WNK3: variants seen among roughly 807,000 people sequenced by gnomAD.
WNK3 encodes serine/threonine-protein kinase WNK3.
In WNK3, 18 loss-of-function variants were observed where a neutral mutation model predicts 116.7. The ratio of observed to expected loss-of-function variants is 0.15; its 90% CI spans 0.11 to 0.23. WNK3 has a LOEUF of 0.23. WNK3 is among the 10% of genes least tolerant of loss of function. The probability of loss-of-function intolerance (pLI) is 1.00; values close to 1 mark genes in which losing one functional copy is unlikely to be tolerated. For missense variants in WNK3, 993 were observed against 1,323.8 expected, an observed-to-expected ratio of 0.75 and a Z score of 3.88; for synonymous variants, 404 against 469.4, an observed-to-expected ratio of 0.86 and a Z score of 1.80.
intron 20 of WNK3, 114 bp from the exon 21 acceptor site, chrX:54,233,134 G>A: frequency 1.8e-6 from 1 of 562,980 alleles, no homozygotes; most frequent in Non-Finnish European, 2.8e-6. Flanking sequence ...TTAAGAATGG[G>A]GAAATAGAGA....
In WNK3 at chrX:54,278,012, C is replaced by T. The variant is rs781903651; in HGVS notation, c.2037+14876G>A. The stretch of plus-strand genomic sequence containing the variant: ...GGGAGGCTGTGGTGGGAGGATTGCT[C>T]GAGCCTGGGAAGCAGAGGCTGCAGT... On this transcript the variant is annotated intron_variant, in intron 10 of 23. Coordinates refer to ENST00000354646, the Ensembl canonical transcript of WNK3. Among the ~76,000 whole-genome samples the T allele has an allele frequency of 6.6e-4, 71 of 106,839 alleles. 1 individual carries two copies. Among genetic ancestry groups the T allele is most frequent in the Non-Finnish European group, 1.2e-3 (60 of 52,000 alleles). 92.8% of individuals were successfully genotyped at this position (106,839 alleles called of 115,157 possible). A position where few individuals can be genotyped will look rare whatever the true frequency, so the allele number is the denominator to read the frequency against.
chrX:54,279,408 A>T (rs782519920), intron 10 of WNK3, among the ~76,000 whole-genome samples: 5 of 111,270 alleles, frequency 4.5e-5, no homozygotes, highest in South Asian at 3.8e-4. Flanking sequence ...TACACAGATT[A>T]AAAAAATTAG....
intron 5 of WNK3, among the ~76,000 whole-genome samples, chrX:54,303,588 G>A (rs1251127791): frequency 1.8e-5 from 2 of 111,015 alleles, no homozygotes; most frequent in Non-Finnish European, 3.8e-5. Context: ...GAAATTAGGA[G>A]TTAATTTAGT....
At chrX:54,345,694 G>A (rs1334483878) in intron 1 of WNK3, among the ~76,000 whole-genome samples, 2 of 108,310 alleles carry the variant, frequency 1.8e-5, no homozygotes, top group Non-Finnish European at 3.8e-5. Context: ...GCTGAGGCAC[G>A]AGAATCGCTT....
Position 54,275,413 on chromosome X carries a change from A to ATGTGTGTGTGTGTG in WNK3, c.2038-16076_2038-16075insCACACACACACACA, listed in dbSNP as rs782746924. Among the ~76,000 whole-genome samples the ATGTGTGTGTGTGTG allele has an allele frequency of 3.4e-3, 201 of 58,347 alleles. 8 individuals carry two copies. Among genetic ancestry groups the ATGTGTGTGTGTGTG allele is most frequent in the African/African-American group, 0.011 (182 of 16,201 alleles). 50.7% of individuals were successfully genotyped at this position (58,347 alleles called of 115,157 possible). ...GTCGGTATCTGTAGGGTATAAGTTCATATGTGTGTGTGTGTGTGTGTGTGT... is the reference window on the plus strand; with the variant it reads ...GTCGGTATCTGTAGGGTATAAGTTCATGTGTGTGTGTGTGTATGTGTGTGTGTGTGTGTGTGTGT... On this transcript the variant is annotated intron_variant, in intron 10 of 23. Coordinates refer to ENST00000354646, the Ensembl canonical transcript of WNK3.
At chrX:54,254,195 G>C (rs5961049) in intron 12 of WNK3, 120 bp from the exon 13 acceptor site, 5,672 of 431,671 alleles carry the variant, frequency 0.013, 38 homozygotes, top group Middle Eastern at 0.021. Flanking sequence ...AAATAGTTCA[G>C]AATGTTTTCC....
At chrX:54,258,618 G>A in intron 11 of WNK3, among the ~76,000 whole-genome samples, 1 of 110,240 alleles carries the variant, frequency 9.1e-6, no homozygotes, top group Non-Finnish European at 1.9e-5. Context: ...ACAGGTGTGA[G>A]CCACTGCACC....
At chrX:54,237,276 T>C in exon 20 of WNK3, 1 of 1,211,937 alleles carries the variant, frequency 8.3e-7, no homozygotes, top group Non-Finnish European at 1.1e-6. Flanking sequence ...TCACTGAAGA[T>C]ACATCAGTCT....
intron 10 of WNK3, among the ~76,000 whole-genome samples, chrX:54,274,215 T>A (rs936015006): frequency 1.8e-5 from 2 of 111,755 alleles, no homozygotes; most frequent in African/African-American, 6.5e-5. Context: ...TCACTACATT[T>A]CCCTTGTTCA....
chrX:54,268,125 C>CA (rs1340183968), intron 10 of WNK3, among the ~76,000 whole-genome samples: 1 of 105,713 alleles, frequency 9.5e-6, no homozygotes, highest in Non-Finnish European at 2.0e-5. Context: ...CACACACACA[C>CA]ACTTCCTAGC....
chrX:54,350,938 T>C (rs939615739), intron 1 of WNK3, among the ~76,000 whole-genome samples: 3 of 110,804 alleles, frequency 2.7e-5, no homozygotes, highest in African/African-American at 6.6e-5. Flanking sequence ...ATATATACTA[T>C]AAGGTGAGAA....
exon 24 of WNK3, chrX:54,194,283 T>G (rs2067424932): frequency 8.9e-6 from 1 of 112,188 alleles, no homozygotes; most frequent in South Asian, 3.7e-4. Context: ...ACATTTCAAC[T>G]AAATGCATTT....
chrX:54,306,737 C>A (rs1039014277), intron 5 of WNK3, among the ~76,000 whole-genome samples: 2 of 110,195 alleles, frequency 1.8e-5, no homozygotes, highest in African/African-American at 3.3e-5. Context: ...TAACTACAGT[C>A]GATAATAACA....
chrX:54,258,956 A>T (rs1219550755), intron 11 of WNK3, among the ~76,000 whole-genome samples: 1 of 110,284 alleles, frequency 9.1e-6, no homozygotes, highest in Non-Finnish European at 1.9e-5. Context: ...ATCTAGTTGT[A>T]ATTTATTTCT....
intron 10 of WNK3, among the ~76,000 whole-genome samples, chrX:54,272,424 G>A (rs1398853892): frequency 3.5e-4 from 38 of 108,494 alleles, no homozygotes; most frequent in African/African-American, 1.3e-3. Context: ...CTAGGTGACA[G>A]AGTGAAACCG....
chrX:54,207,609 A>G (rs2067568803), intron 22 of WNK3, among the ~76,000 whole-genome samples: 1 of 103,062 alleles, frequency 9.7e-6, no homozygotes, highest in Non-Finnish European at 2.0e-5. Flanking sequence ...CGCTTCCCAG[A>G]TTCAGGCAAT....
intron 22 of WNK3, among the ~76,000 whole-genome samples, chrX:54,225,842 A>T (rs2067830150): frequency 9.1e-6 from 1 of 110,369 alleles, no homozygotes; most frequent in South Asian, 3.8e-4. Context: ...AGTCAAAACA[A>T]TCATGAAAGA....
At chrX:54,233,812 GAA>G (rs781927998) in intron 20 of WNK3, among the ~76,000 whole-genome samples, 10 of 66,710 alleles carry the variant, frequency 1.5e-4, no homozygotes, top group Admixed American at 1.9e-4. Context: ...CTGTCTCTCT[GAA>G]AAAAAAAAAA....
intron 2 of WNK3, among the ~76,000 whole-genome samples, chrX:54,312,530 C>T (rs984993758): frequency 3.6e-5 from 4 of 109,949 alleles, no homozygotes; most frequent in Admixed American, 9.9e-5. Flanking sequence ...CTCTGCTTCC[C>T]GGGGTCAAGT....
Sources: gnomAD v4.1 joint callset for allele counts (sites outside exome capture counted in the v4.1 genomes callset) on GRCh38, gnomAD v4.1.1 for gene constraint, MANE v1.5 for transcripts, NCBI Gene and HGNC (gene_info 2026-07-23, HGNC 2026-07-21) for gene names.